Variants in PDE3B observed in about 807,000 individuals in gnomAD.
PDE3B encodes cGMP-inhibited 3',5'-cyclic phosphodiesterase 3B.
A neutral mutation model predicts 116.8 loss-of-function variants in PDE3B; 66 were observed. That is an observed-to-expected ratio of 0.56 (90% confidence interval 0.46 to 0.69). The LOEUF is 0.69. Among genes scored for constraint, PDE3B ranks in the 30% least tolerant of loss-of-function variants. The pLI is 0.00. For missense variants in PDE3B, 1,384 were observed against 1,368.1 expected (o/e 1.01, Z -0.18); for synonymous variants, 595 against 533.6 (o/e 1.12, Z -1.59).
At chr11:14,810,820 C>T (rs1268400147) in intron 5 of PDE3B, among the ~76,000 whole-genome samples, 1 of 147,634 alleles carries the variant, frequency 6.8e-6, no homozygotes, top group African/African-American at 2.5e-5. Flanking sequence ...CACATCCTCT[C>T]CAGCACCTGT....
At chr11:14,886,962 G>C in the PDE3B span, 1 of 152,236 alleles carries the variant, frequency 6.6e-6, no homozygotes, top group Non-Finnish European at 1.5e-5. Flanking sequence ...GGTGGGCTCT[G>C]CCAAGTGAGC....
intron 1 of PDE3B, among the ~76,000 whole-genome samples, chr11:14,754,657 C>A (rs1857139355): frequency 6.6e-6 from 1 of 152,092 alleles, no homozygotes; most frequent in African/African-American, 2.4e-5. Context: ...TTAGTCCCAG[C>A]TACTCAGGAG....
Position 14,662,784 on chromosome 11 carries a change from G to A in PDE3B, c.978+17731G>A, listed in dbSNP as rs529438264. Among the ~76,000 whole-genome samples the A allele has an allele frequency of 1.5e-4, 23 of 152,294 alleles. 1 individual carries two copies. The highest frequency in any genetic ancestry group is 3.4e-3 in the Middle Eastern group (1 of 294). On this transcript the variant is annotated intron_variant, in intron 1 of 15. Transcript: ENST00000282096. Reference sequence around the variant, plus strand: ...AAGAGAATAACAAGAAACGAACAAAGCCTCCAAGAAATATGGGACTATGTG... The same window carrying A: ...AAGAGAATAACAAGAAACGAACAAAACCTCCAAGAAATATGGGACTATGTG...
intron 1 of PDE3B, among the ~76,000 whole-genome samples, chr11:14,671,855 C>G (rs1389372586): frequency 6.6e-6 from 1 of 151,620 alleles, no homozygotes; most frequent in Non-Finnish European, 1.5e-5. Context: ...TAGCAAGACT[C>G]TGTTTTTACA....
At chr11:14,786,273 A>G (rs1208484433) in intron 2 of PDE3B, among the ~76,000 whole-genome samples, 164 bp from the exon 3 acceptor site, 2 of 152,076 alleles carry the variant, frequency 1.3e-5, no homozygotes, top group African/African-American at 4.8e-5. Context: ...AGTTAATACC[A>G]TTAAATATAA....
At chr11:14,708,410 AC>A (rs1855597069) in intron 1 of PDE3B, among the ~76,000 whole-genome samples, 1 of 152,100 alleles carries the variant, frequency 6.6e-6, no homozygotes, top group Non-Finnish European at 1.5e-5. Context: ...CTTTATAGCA[AC>A]AAAAAATGGA....
intron 11 of PDE3B, among the ~76,000 whole-genome samples, chr11:14,836,290 T>C (rs1158772268): frequency 1.3e-5 from 2 of 152,196 alleles, no homozygotes; most frequent in Non-Finnish European, 2.9e-5. Flanking sequence ...CAGTTTTTGC[T>C]GACAAGTCAA....
intron 12 of PDE3B, among the ~76,000 whole-genome samples, chr11:14,846,757 T>G (rs1384534542): frequency 1.3e-5 from 2 of 152,152 alleles, no homozygotes; most frequent in South Asian, 2.1e-4. Context: ...CATTACATAA[T>G]GGTAAAGGGA....
intron 1 of PDE3B, among the ~76,000 whole-genome samples, chr11:14,652,014 A>T (rs1853586707): frequency 6.6e-6 from 1 of 152,184 alleles, no homozygotes; most frequent in Admixed American, 6.5e-5. Flanking sequence ...TTTTGGTGTC[A>T]TATCAAATAA....
intron 1 of PDE3B, among the ~76,000 whole-genome samples, chr11:14,697,188 T>A (rs566795852): frequency 1.3e-5 from 2 of 152,290 alleles, no homozygotes; most frequent in South Asian, 4.1e-4. Flanking sequence ...TCCTCCCGCC[T>A]TGACCTTCCA....
intron 12 of PDE3B, among the ~76,000 whole-genome samples, chr11:14,853,207 T>G (rs1220245830): frequency 3.9e-5 from 6 of 152,190 alleles, no homozygotes; most frequent in African/African-American, 1.4e-4. Context: ...ACCATTATGC[T>G]CCTTCTCTGC....
Position 14,830,746 on chromosome 11 carries a change from C to T in PDE3B, c.1856C>T (p.Thr619Ile). Residue 619 changes from threonine to isoleucine, a missense_variant, in exon 8 of 16, where the codon ACT (threonine) becomes ATT (isoleucine). Around this residue, in one of 2 missense-constraint regions of PDE3B, gnomAD observed 956 missense variants for 806.8 expected, o/e 1.18. Transcript: ENST00000282096. Reference protein sequence around the residue: ...FSKESFKLMETQQEEETEKKD... With the variant: ...FSKESFKLMEIQQEEETEKKD... ...AAAGAATCATTCAAACTTATGGAAA[C>T]TCAACAAGAAGAGGAAACAGAGAAG... 1 of 1,504,378 alleles carries T rather than the reference C, an allele frequency of 6.6e-7. No homozygotes were observed. Among genetic ancestry groups the T allele is most frequent in the Non-Finnish European group, 8.9e-7 (1 of 1,129,614 alleles). The allele number at this position is 1,504,378 out of a possible 1,614,324, so 93.2% of individuals were successfully genotyped here.
intron 5 of PDE3B, among the ~76,000 whole-genome samples, chr11:14,810,994 T>C (rs956681086): frequency 7.0e-4 from 106 of 151,740 alleles, no homozygotes; most frequent in South Asian, 5.7e-3. Context: ...TCATGTCCTT[T>C]GCCCACTTGT....
chr11:14,767,875 T>G (rs1307584595), intron 1 of PDE3B, among the ~76,000 whole-genome samples: 3 of 151,344 alleles, frequency 2.0e-5, no homozygotes, highest in African/African-American at 7.3e-5. Context: ...AGTTTAAAAT[T>G]TTATGTTTTT....
chr11:14,787,584 C>T (rs1033215186), intron 3 of PDE3B, among the ~76,000 whole-genome samples: 2 of 151,706 alleles, frequency 1.3e-5, no homozygotes, highest in Admixed American at 1.3e-4. Context: ...TTAAGCAAAC[C>T]CAGTTAGAGG....
chr11:14,751,198 T>A (rs1309119183), intron 1 of PDE3B, among the ~76,000 whole-genome samples: 3 of 152,210 alleles, frequency 2.0e-5, no homozygotes, highest in Non-Finnish European at 4.4e-5. Flanking sequence ...TTATATAATT[T>A]ATGTCATTTA....
intron 1 of PDE3B, among the ~76,000 whole-genome samples, chr11:14,764,900 T>G (rs1479395070): frequency 6.6e-6 from 1 of 151,850 alleles, no homozygotes; most frequent in African/African-American, 2.4e-5. Context: ...CTTCTCAGTT[T>G]TTCTGAATAG....
At chr11:14,841,085 T>C (rs371808292) in intron 11 of PDE3B, among the ~76,000 whole-genome samples, 44 of 152,162 alleles carry the variant, frequency 2.9e-4, no homozygotes, top group African/African-American at 9.6e-4. Flanking sequence ...TGATGGACTT[T>C]AAGTAAAGCA....
At chr11:14,898,621 C>A in the PDE3B span, among the ~76,000 whole-genome samples, 1 of 152,114 alleles carries the variant, frequency 6.6e-6, no homozygotes, top group Non-Finnish European at 1.5e-5. Context: ...CCTGAGAGGA[C>A]AAATGACTCA....
Sources: gnomAD v4.1 joint callset for allele counts (sites outside exome capture counted in the v4.1 genomes callset) on GRCh38, gnomAD v4.1.1 for gene constraint, gnomAD v4.1.1 regional missense constraint, MANE v1.5 for transcripts, NCBI Gene and HGNC (gene_info 2026-07-23, HGNC 2026-07-21) for gene names.